The following USP12 variants were observed in gnomAD, a reference collection of about 807,000 sequenced individuals.
The protein encoded by USP12 is ubiquitin specific peptidase 12.
Under a neutral mutation model 45.5 loss-of-function variants are expected in USP12, and 19 were observed. The ratio of observed to expected loss-of-function variants is 0.42; its 90% confidence interval spans 0.29 to 0.61. USP12 has a LOEUF of 0.61. Ranked by LOEUF, USP12 falls within the 20% of genes least tolerant of loss-of-function variation. The pLI is 0.22. For synonymous variants in USP12, 149 were observed against 148.8 expected (o/e 1.00, Z -0.01); for missense variants, 242 against 447.7 (o/e 0.54, Z 4.15).
intron 1 of USP12, among the ~76,000 whole-genome samples, chr13:27,131,560 T>A (rs9512551): frequency 6.6e-5 from 10 of 152,224 alleles, no homozygotes; most frequent in Admixed American, 3.3e-4. Context: ...TCAAGTACAC[T>A]TGGTTTTGAA....
intron 2 of USP12, 102 bp from the exon 3 acceptor site, chr13:27,106,046 T>TA: frequency 2.2e-6 from 2 of 898,828 alleles, no homozygotes; most frequent in Non-Finnish European, 3.3e-6. Context: ...GACAATCGGT[T>TA]ACTACTGTTA....
At chr13:27,085,337 C>T (rs550393863) in intron 6 of USP12, among the ~76,000 whole-genome samples, 27 of 152,094 alleles carry the variant, frequency 1.8e-4, no homozygotes, top group African/African-American at 5.8e-4. Flanking sequence ...TGTGCCACCA[C>T]GCCTGGCTAA....
intron 3 of USP12, among the ~76,000 whole-genome samples, chr13:27,099,756 A>G (rs1874778324): frequency 6.6e-6 from 1 of 152,160 alleles, no homozygotes; most frequent in South Asian, 2.1e-4. Flanking sequence ...TTGGGTCTCA[A>G]ATCAAATACA....
intron 6 of USP12, among the ~76,000 whole-genome samples, chr13:27,087,173 C>T (rs905497889): frequency 6.7e-6 from 1 of 149,476 alleles, no homozygotes; most frequent in Non-Finnish European, 1.5e-5. Flanking sequence ...ATACAGGGAG[C>T]GGGGGCAGGA....
chr13:27,125,626 G>T (rs1036130341), intron 1 of USP12, among the ~76,000 whole-genome samples: 2 of 152,212 alleles, frequency 1.3e-5, no homozygotes, highest in African/African-American at 4.8e-5. Flanking sequence ...TACAGTCCAC[G>T]GAGGGTGAGC....
intron 1 of USP12, among the ~76,000 whole-genome samples, chr13:27,169,328 A>G (rs1289121324): frequency 1.3e-5 from 2 of 152,150 alleles, no homozygotes; most frequent in Non-Finnish European, 2.9e-5. Context: ...CAAGAAGGAT[A>G]CGGGGTGTGG....
chr13:27,080,397 A>C lies in USP12; in HGVS notation c.735-5009T>G, dbSNP rs576059004. On this transcript the variant is annotated intron_variant, in intron 6 of 8. Coordinates refer to ENST00000282344, the MANE Select transcript of USP12 (RefSeq NM_182488.4). ...AAATGAAGCAAAAGGTAGGGCCTTC[A>C]TCTCACAAACAGGAAGCCATTCAAT... Among the ~76,000 whole-genome samples the C allele has an allele frequency of 2.6e-5, 4 of 152,372 alleles. No homozygotes were observed. The South Asian group carries it at 8.3e-4, about 32-fold the overall frequency.
At chr13:27,103,598 CAA>C (rs376135830) in intron 3 of USP12, among the ~76,000 whole-genome samples, 1 of 128,750 alleles carries the variant, frequency 7.8e-6, no homozygotes, top group African/African-American at 2.9e-5. Flanking sequence ...ATTGAACTAT[CAA>C]AAAAAAAAAT....
chr13:27,159,481 A>C (rs1399797961), intron 1 of USP12, among the ~76,000 whole-genome samples: 1 of 152,212 alleles, frequency 6.6e-6, no homozygotes, highest in Non-Finnish European at 1.5e-5. Context: ...TTCATTTCTC[A>C]ACTAGGCCAC....
In USP12 at chr13:27,118,113, TCAA is replaced by T. The variant is rs202057417; in HGVS notation, c.49-1520_49-1518del. On this transcript the variant is annotated intron_variant, in intron 1 of 8. Transcript: ENST00000282344. ...CTCTTCAGCTACACTGGGCATATGGTCAACAACGCACCAGTACTCAGAATCCCA... is the reference window on the plus strand; with the variant it reads ...CTCTTCAGCTACACTGGGCATATGGTCAACGCACCAGTACTCAGAATCCCA... Among the ~76,000 whole-genome samples, 137 of 151,246 alleles carry T rather than the reference TCAA, an allele frequency of 9.1e-4. 5 individuals are homozygous for T. In the East Asian group the frequency reaches 0.021, roughly 23 times the overall value.
intron 1 of USP12, among the ~76,000 whole-genome samples, chr13:27,159,608 C>G (rs1878010785): frequency 6.6e-6 from 1 of 152,180 alleles, no homozygotes; most frequent in Non-Finnish European, 1.5e-5. Context: ...ACAGTCTGTT[C>G]TAGATTTATC....
intron 4 of USP12, among the ~76,000 whole-genome samples, chr13:27,091,281 T>A (rs1439212459): frequency 6.6e-6 from 1 of 152,180 alleles, no homozygotes; most frequent in Non-Finnish European, 1.5e-5. Context: ...AATTTACATG[T>A]AAGCTACAGA....
intron 6 of USP12, among the ~76,000 whole-genome samples, chr13:27,080,002 G>A (rs1050889771): frequency 7.2e-5 from 11 of 152,202 alleles, no homozygotes; most frequent in African/African-American, 2.2e-4. Context: ...TATAAGCAAT[G>A]AGAGGACATT....
intron 1 of USP12, among the ~76,000 whole-genome samples, chr13:27,132,349 T>C (rs1027198099): frequency 2.6e-5 from 4 of 152,066 alleles, no homozygotes; most frequent in African/African-American, 9.7e-5. Context: ...CAAGAAAATT[T>C]TAGTTACACA....
At chr13:27,076,676 G>A (rs902590480) in intron 6 of USP12, among the ~76,000 whole-genome samples, 15 of 151,976 alleles carry the variant, frequency 9.9e-5, no homozygotes, top group African/African-American at 3.4e-4. Flanking sequence ...TTTTAAATGG[G>A]TCTGGTGAAG....
chr13:27,116,216 G>A (rs928351686), intron 2 of USP12, among the ~76,000 whole-genome samples: 57 of 151,800 alleles, frequency 3.8e-4, no homozygotes, highest in Non-Finnish European at 7.8e-4. Flanking sequence ...GGAGGCTGAG[G>A]CAGGAGAATG....
chr13:27,108,350 AGG>A, intron 2 of USP12, among the ~76,000 whole-genome samples: 1 of 151,294 alleles, frequency 6.6e-6, no homozygotes, highest in East Asian at 2.0e-4. Flanking sequence ...ACATGGACAA[AGG>A]AAGGGGAACA....
chr13:27,122,452 GC>G (rs1448222308), intron 1 of USP12, among the ~76,000 whole-genome samples: 1 of 151,562 alleles, frequency 6.6e-6, no homozygotes, highest in Non-Finnish European at 1.5e-5. Context: ...ATCTTTATTG[GC>G]AGTGTGGAAA....
At chr13:27,105,189 A>G (rs1395704201) in intron 3 of USP12, among the ~76,000 whole-genome samples, 1 of 152,200 alleles carries the variant, frequency 6.6e-6, no homozygotes, top group Non-Finnish European at 1.5e-5. Context: ...CTCAGTAACT[A>G]TTTTAAAAAG....
Sources: allele counts gnomAD v4.1 joint callset (sites outside exome capture counted in the v4.1 genomes callset), GRCh38; gene constraint gnomAD v4.1.1; transcripts MANE v1.5; gene names NCBI Gene and HGNC (gene_info 2026-07-23, HGNC 2026-07-21).